The following FAM220A variants were observed in gnomAD, a reference collection of about 807,000 sequenced individuals.
FAM220A encodes family with sequence similarity 220 member A, also known as protein FAM220A.
For synonymous variants in FAM220A, 141 were observed against 130.7 expected, an observed-to-expected ratio of 1.08 and a Z score of -0.54; for missense variants, 392 against 321.6, an observed-to-expected ratio of 1.22 and a Z score of -1.68.
intron 1 of FAM220A, among the ~76,000 whole-genome samples, chr7:6,335,033 G>A (rs774337623): frequency 1.0e-4 from 15 of 150,568 alleles, no homozygotes; most frequent in Non-Finnish European, 2.2e-4. Flanking sequence ...TCCCAAAGTG[G>A]TGGGATTACA....
chr7:6,347,883 T>C (rs909376786), intron 1 of FAM220A, among the ~76,000 whole-genome samples: 1 of 131,538 alleles, frequency 7.6e-6, no homozygotes, highest in Non-Finnish European at 1.6e-5. Context: ...ACGAGACCCC[T>C]TTATTATTAT....
At chr7:6,340,253 G>A (rs1781825339) in intron 1 of FAM220A, among the ~76,000 whole-genome samples, 1 of 152,130 alleles carries the variant, frequency 6.6e-6, no homozygotes. Flanking sequence ...ACTCTTCTCT[G>A]ACTAGCATCC....
chr7:6,346,808 G>C (rs567647081), intron 1 of FAM220A, among the ~76,000 whole-genome samples: 12 of 152,246 alleles, frequency 7.9e-5, no homozygotes, highest in African/African-American at 2.6e-4. Context: ...TGGCCAAACC[G>C]ACGTTAGAAA....
rs200690478 is a variant in FAM220A, at chr7:6,330,449, C to T, written c.706G>A (p.Asp236Asn). 2 of 1,614,172 alleles carry T rather than the reference C, an allele frequency of 1.2e-6. No individual in the cohort carries two copies. Among genetic ancestry groups the T allele is most frequent in the Admixed American group, 3.3e-5 (2 of 60,000 alleles). Residue 236 changes from aspartate (D) to asparagine (N), a missense_variant, in exon 2 of 2, where the codon GAT (aspartate) becomes AAT (asparagine). By Grantham distance (23) the Asp-to-Asn change is conservative. Coordinates refer to ENST00000313324, the MANE Select transcript of FAM220A (RefSeq NM_001037163.2). The part of the protein sequence containing the change: ...EFKKMLKSTS[D>N]GLQITLGLLA... ...AACCCCAGTGTTATCTGCAGACCATCTGAGGTGCTTTTAAGCATTTTCTTG... is the reference window on the plus strand; with the variant it reads ...AACCCCAGTGTTATCTGCAGACCATTTGAGGTGCTTTTAAGCATTTTCTTG...
chr7:6,342,414 A>G (rs553127653), intron 1 of FAM220A, among the ~76,000 whole-genome samples: 1 of 151,768 alleles, frequency 6.6e-6, no homozygotes, highest in East Asian at 2.0e-4. Flanking sequence ...GCATGGTGGT[A>G]GGCACCTGTA....
At chr7:6,331,416 G>C (rs1035562872) in intron 1 of FAM220A, among the ~76,000 whole-genome samples, 181 bp from the exon 2 acceptor site, 2 of 152,186 alleles carry the variant, frequency 1.3e-5, no homozygotes, top group Non-Finnish European at 2.9e-5. Context: ...ACCCACCTCA[G>C]CGTCCCAAAG....
chr7:6,330,275 G>C lies in FAM220A; in HGVS notation c.*100C>G. 1 of 1,156,664 alleles carries C rather than the reference G, an allele frequency of 8.6e-7. No homozygotes were observed. The highest frequency in any genetic ancestry group is 1.2e-6 in the Non-Finnish European group (1 of 820,288). The allele number at this position is 1,156,664 out of a possible 1,614,324, so 71.7% of individuals were successfully genotyped here. A position where few individuals can be genotyped will look rare whatever the true frequency, so the allele number is the denominator to read the frequency against. ...GCCAGGTCGTACAAAACTACAGCAG[G>C]AACCTAAGGGCTGCACAGTTTGCAT... On this transcript the variant is annotated 3_prime_UTR_variant, in exon 2 of 2. Coordinates refer to ENST00000313324, the MANE Select transcript of FAM220A (RefSeq NM_001037163.2).
rs559497571 is a variant in FAM220A at position 6,344,148 on chromosome 7, G to GA, written c.-82+4424dup. On this transcript the variant is annotated intron_variant, in intron 1 of 1. Transcript: ENST00000313324. ...GGGTAAAGCATGTTCTGAAGAACAA[G>GA]AAAAAAAAAAAAAAGGCGTGGGGCT... Among the ~76,000 whole-genome samples the GA allele has an allele frequency of 4.0e-3, 479 of 120,084 alleles. 5 individuals are homozygous for GA. Among genetic ancestry groups the GA allele is most frequent in the South Asian group, 0.032 (123 of 3,836 alleles). 78.8% of individuals were successfully genotyped at this position (120,084 alleles called of 152,430 possible).
Position 6,330,590 on chromosome 7 carries a change from G to A in FAM220A, c.565C>T (p.His189Tyr). Reference sequence around the variant, plus strand: ...TGCAGCGTTGCAGACAGGATGGAGTGCAGGCAAGCGGGTTCCAACTCAGAG... The same window carrying A: ...TGCAGCGTTGCAGACAGGATGGAGTACAGGCAAGCGGGTTCCAACTCAGAG... ...LGSELEPACL[H>Y]SILSATLHVY... The change falls in exon 2 of 2, where the codon CAC (histidine) becomes TAC (tyrosine). Residue 189 changes from histidine to tyrosine, a missense_variant. Physicochemically the swap from His to Tyr is moderately conservative, Grantham distance 83. Coordinates refer to ENST00000313324, the MANE Select transcript of FAM220A (RefSeq NM_001037163.2). 5.6e-6 allele frequency: 9 copies of A among 1,614,170 alleles called. No individual in the cohort carries two copies. Among genetic ancestry groups the A allele is most frequent in the Non-Finnish European group, 7.6e-6 (9 of 1,180,032 alleles).
In FAM220A at chr7:6,348,930, C is replaced by G. The variant is rs983300737; in HGVS notation, c.-439G>C. ...CACGTCACGCTCGGAGAAGTGCCTC[C>G]GCGAGCAGCCGCCTGTACCAGCCTG... On this transcript the variant is annotated 5_prime_UTR_variant, in exon 1 of 2. Coordinates refer to ENST00000313324, the MANE Select transcript of FAM220A (RefSeq NM_001037163.2). 8 of 382,776 alleles carry G rather than the reference C, an allele frequency of 2.1e-5. No individual in the cohort carries two copies. Among genetic ancestry groups the G allele is most frequent in the East Asian group, 7.6e-5 (2 of 26,478 alleles). 23.7% of individuals were successfully genotyped at this position (382,776 alleles called of 1,614,324 possible). A position where few individuals can be genotyped will look rare whatever the true frequency, so the allele number is the denominator to read the frequency against.
rs893990213 is a variant in FAM220A, at chr7:6,348,933, G to C, written c.-442C>G. 14 of 383,052 alleles carry C rather than the reference G, an allele frequency of 3.7e-5. No homozygotes were observed. The highest frequency in any genetic ancestry group is 1.4e-4 in the South Asian group (1 of 6,962). 23.7% of individuals were successfully genotyped at this position (383,052 alleles called of 1,614,324 possible). On this transcript the variant is annotated 5_prime_UTR_variant, in exon 1 of 2. Coordinates refer to ENST00000313324, the MANE Select transcript of FAM220A (RefSeq NM_001037163.2). ...GTCACGCTCGGAGAAGTGCCTCCGC[G>C]AGCAGCCGCCTGTACCAGCCTGGCC...
At chr7:6,333,252 GGA>G (rs1449357331) in intron 1 of FAM220A, among the ~76,000 whole-genome samples, 1 of 152,040 alleles carries the variant, frequency 6.6e-6, no homozygotes, top group Non-Finnish European at 1.5e-5. Flanking sequence ...GAGAAAGCAG[GGA>G]GAGTTTAGAG....
chr7:6,331,982 G>T (rs1456857406), intron 1 of FAM220A, among the ~76,000 whole-genome samples: 2 of 151,774 alleles, frequency 1.3e-5, no homozygotes, highest in African/African-American at 4.8e-5. Context: ...TGTGATGGCA[G>T]GTGTCTGTAA....
chr7:6,335,245 G>T (rs942115265), intron 1 of FAM220A, among the ~76,000 whole-genome samples: 2 of 150,218 alleles, frequency 1.3e-5, no homozygotes, highest in Non-Finnish European at 3.0e-5. Context: ...TTTTTTAAAT[G>T]GAGTCTCGCT....
intron 1 of FAM220A, among the ~76,000 whole-genome samples, chr7:6,332,208 T>A (rs969190726): frequency 1.3e-5 from 2 of 152,064 alleles, no homozygotes; most frequent in Non-Finnish European, 1.5e-5. Context: ...GTTATGTAAT[T>A]TTATAGGGAC....
intron 1 of FAM220A, among the ~76,000 whole-genome samples, chr7:6,337,701 T>C (rs945052737): frequency 6.6e-6 from 1 of 151,782 alleles, no homozygotes; most frequent in Admixed American, 6.6e-5. Flanking sequence ...ATGTATTCAA[T>C]CATGATAGAA....
chr7:6,345,566 T>C (rs928849274), intron 1 of FAM220A, among the ~76,000 whole-genome samples: 20 of 152,166 alleles, frequency 1.3e-4, no homozygotes, highest in African/African-American at 4.3e-4. Flanking sequence ...ACTGTTTCAA[T>C]GGTAAAGAGC....
chr7:6,332,501 CATG>C (rs1781657206), intron 1 of FAM220A, among the ~76,000 whole-genome samples: 1 of 152,196 alleles, frequency 6.6e-6, no homozygotes, highest in South Asian at 2.1e-4. Context: ...AATTTTGACA[CATG>C]ATGTGTTCAC....
At chr7:6,341,465 T>C (rs1178282743) in intron 1 of FAM220A, among the ~76,000 whole-genome samples, 1 of 145,410 alleles carries the variant, frequency 6.9e-6, no homozygotes, top group Admixed American at 7.0e-5. Flanking sequence ...TAATAATTAT[T>C]ATTATTATTA....
Sources: gnomAD v4.1 joint callset for allele counts (sites outside exome capture counted in the v4.1 genomes callset) on GRCh38, gnomAD v4.1.1 for gene constraint, MANE v1.5 for transcripts, NCBI Gene and HGNC (gene_info 2026-07-23, HGNC 2026-07-21) for gene names.